Variants in SYT16 observed in about 807,000 individuals in gnomAD.
The protein encoded by SYT16 is synaptotagmin 16.
A neutral mutation model predicts 61.4 loss-of-function variants in SYT16; 42 were observed. The ratio of observed to expected loss-of-function variants is 0.68; its 90% confidence interval spans 0.53 to 0.89. The LOEUF is 0.89. SYT16 is among the 40% of genes least tolerant of loss of function. The probability of loss-of-function intolerance (pLI) is 0.00; values close to 1 mark genes in which losing one functional copy is unlikely to be tolerated. For missense variants in SYT16, 804 were observed against 807.3 expected, an observed-to-expected ratio of 1.00 and a Z score of 0.05; for synonymous variants, 314 against 302.3, an observed-to-expected ratio of 1.04 and a Z score of -0.40.
rs190148793 is a variant in SYT16 at position 61,897,053 on chromosome 14, A to G, written c.-324-73079A>G. On this transcript the variant is annotated intron_variant, in intron 1 of 7. Coordinates refer to ENST00000683842, the MANE Select transcript of SYT16 (RefSeq NM_001367656.1). ...AGTTCTTACAGTTTCAAGTGGTGGGAAAAAAAAGAATATTTCATGTGAACA... is the reference window on the plus strand; with the variant it reads ...AGTTCTTACAGTTTCAAGTGGTGGGGAAAAAAAGAATATTTCATGTGAACA... Among the ~76,000 whole-genome samples, 193 of 152,126 alleles carry G rather than the reference A, an allele frequency of 1.3e-3. 1 individual carries two copies. In the Middle Eastern group the frequency reaches 0.024, roughly 19 times the overall value.
At chr14:62,002,372 C>T (rs2053053152) in intron 3 of SYT16, among the ~76,000 whole-genome samples, 1 of 152,106 alleles carries the variant, frequency 6.6e-6, no homozygotes, top group African/African-American at 2.4e-5. Flanking sequence ...ACAGTTTTGT[C>T]AATATTGGCT....
chr14:61,968,723 G>A (rs2051419483), intron 1 of SYT16, among the ~76,000 whole-genome samples: 1 of 152,174 alleles, frequency 6.6e-6, no homozygotes, highest in African/African-American at 2.4e-5. Flanking sequence ...AGCACAAAGA[G>A]GTTAAATAAT....
chr14:62,103,721 G>A lies in SYT16; in HGVS notation c.*3014G>A, dbSNP rs916465420. Reference sequence around the variant, plus strand: ...GATGCTGCATAACTGTTGGAGGTGGGGGTGTCTTGCCTTCCCTAACATAAG... The same window carrying A: ...GATGCTGCATAACTGTTGGAGGTGGAGGTGTCTTGCCTTCCCTAACATAAG... On this transcript the variant is annotated 3_prime_UTR_variant, in exon 8 of 8. Coordinates refer to ENST00000683842, the MANE Select transcript of SYT16 (RefSeq NM_001367656.1). The A allele has an allele frequency of 6.6e-6, 1 of 152,120 alleles. No individual in the cohort carries two copies. The highest frequency in any genetic ancestry group is 1.5e-5 in the Non-Finnish European group (1 of 68,030). 9.4% of individuals were successfully genotyped at this position (152,120 alleles called of 1,614,324 possible).
intron 1 of SYT16, among the ~76,000 whole-genome samples, chr14:61,869,408 A>G (rs2047259252): frequency 6.6e-6 from 1 of 152,004 alleles, no homozygotes; most frequent in Non-Finnish European, 1.5e-5. Flanking sequence ...TTGGCTTATT[A>G]GCTCTATCTT....
At chr14:61,948,583 T>G (rs1237671658) in intron 1 of SYT16, among the ~76,000 whole-genome samples, 1 of 151,928 alleles carries the variant, frequency 6.6e-6, no homozygotes, top group Non-Finnish European at 1.5e-5. Context: ...GGAGAGCGAG[T>G]GAAGTCCCAG....
At chr14:62,002,985 C>A (rs1045205298) in intron 3 of SYT16, among the ~76,000 whole-genome samples, 4 of 152,018 alleles carry the variant, frequency 2.6e-5, no homozygotes, top group African/African-American at 7.2e-5. Flanking sequence ...CTCATGAGAA[C>A]TTACACATTA....
chr14:61,819,286 C>G lies in SYT16; in HGVS notation c.-325+6476C>G, dbSNP rs61994394. Among the ~76,000 whole-genome samples the G allele has an allele frequency of 7.3e-3, 1,104 of 152,214 alleles. 11 individuals are homozygous for G. The highest frequency in any genetic ancestry group is 1.0e-2 in the Non-Finnish European group (679 of 68,010). ...TTTAGCATTATGAATGATAAGATGG[C>G]TATTATGCCATTTAACAATTGTCTG... On this transcript the variant is annotated intron_variant, in intron 1 of 7. Coordinates refer to ENST00000683842, the MANE Select transcript of SYT16 (RefSeq NM_001367656.1).
intron 3 of SYT16, among the ~76,000 whole-genome samples, chr14:62,054,066 G>A (rs968321351): frequency 4.6e-5 from 7 of 152,154 alleles, no homozygotes; most frequent in Non-Finnish European, 7.3e-5. Context: ...CTATTTCCAA[G>A]TTTCTTTGCT....
In SYT16 at chr14:61,937,108, A is replaced by ATT. The variant is rs1457142338; in HGVS notation, c.-324-33022_-324-33021dup. Among the ~76,000 whole-genome samples, 3 of 152,316 alleles carry ATT rather than the reference A, an allele frequency of 2.0e-5. No individual in the cohort carries two copies. In the East Asian group the frequency reaches 5.8e-4, roughly 29 times the overall value. On this transcript the variant is annotated intron_variant, in intron 1 of 7. Coordinates refer to ENST00000683842, the MANE Select transcript of SYT16 (RefSeq NM_001367656.1). ...GGAAGCTGGGCTGGCTGGAGCAGGG[A>ATT]TTTCCCCGTGGATGGTGATGTCTCT...
At chr14:62,022,617 T>C (rs2053953926) in intron 3 of SYT16, among the ~76,000 whole-genome samples, 1 of 149,744 alleles carries the variant, frequency 6.7e-6, no homozygotes, top group Admixed American at 6.7e-5. Flanking sequence ...TAATTTGTAT[T>C]ACACACACAC....
chr14:62,063,077 G>C (rs1482220394), intron 3 of SYT16, among the ~76,000 whole-genome samples: 1 of 152,136 alleles, frequency 6.6e-6, no homozygotes. Context: ...CCACTTCCAG[G>C]CAGTGTTGTT....
rs866100512 is a variant in SYT16 at position 62,102,458 on chromosome 14, A to G, written c.*1751A>G. 11 of 152,292 alleles carry G rather than the reference A, an allele frequency of 7.2e-5. No individual in the cohort carries two copies. Among genetic ancestry groups the G allele is most frequent in the South Asian group, 6.2e-4 (3 of 4,826 alleles). The allele number at this position is 152,292 out of a possible 1,614,324, so 9.4% of individuals were successfully genotyped here. A position where few individuals can be genotyped will look rare whatever the true frequency, so the allele number is the denominator to read the frequency against. ...GTTATTAGGAATATGTAATAAAACC[A>G]TGTTCCTCTGGGTTTTTACCCTACC... is the stretch of plus-strand genomic sequence containing the variant. On this transcript the variant is annotated 3_prime_UTR_variant, in exon 8 of 8. Coordinates refer to ENST00000683842, the MANE Select transcript of SYT16 (RefSeq NM_001367656.1).
chr14:61,859,409 A>G (rs894036575), intron 1 of SYT16, among the ~76,000 whole-genome samples: 2 of 152,002 alleles, frequency 1.3e-5, no homozygotes, highest in Admixed American at 6.5e-5. Flanking sequence ...TAAACTTCAC[A>G]TTTGATTAAA....
At chr14:61,817,452 C>T (rs948126249) in intron 1 of SYT16, among the ~76,000 whole-genome samples, 2 of 150,598 alleles carry the variant, frequency 1.3e-5, no homozygotes, top group African/African-American at 4.9e-5. Context: ...ATGGGACAAA[C>T]TGATATCCTG....
chr14:61,992,404 A>G (rs1287055550), intron 2 of SYT16, among the ~76,000 whole-genome samples: 1 of 152,100 alleles, frequency 6.6e-6, no homozygotes, highest in African/African-American at 2.4e-5. Flanking sequence ...GACAGCTCAG[A>G]CAGCTAGGTA....
chr14:62,067,346 G>C (rs1892047), intron 3 of SYT16, among the ~76,000 whole-genome samples: 16,294 of 152,088 alleles, frequency 0.11, 2,067 homozygotes, highest in African/African-American at 0.3. Context: ...CTACTTAAGG[G>C]AGGGTGTTCA....
chr14:62,011,347 C>G (rs1215660432), intron 3 of SYT16, among the ~76,000 whole-genome samples: 2 of 152,000 alleles, frequency 1.3e-5, no homozygotes, highest in Non-Finnish European at 1.5e-5. Flanking sequence ...CCAGAACCTC[C>G]AGGTTTATAT....
chr14:61,885,096 TATC>T (rs755625331), intron 1 of SYT16, among the ~76,000 whole-genome samples: 14 of 152,224 alleles, frequency 9.2e-5, no homozygotes, highest in Admixed American at 2.6e-4. Context: ...CTTCAGAAAG[TATC>T]ATCACAATTT....
At chr14:61,813,559 A>C (rs76135371) in intron 1 of SYT16, among the ~76,000 whole-genome samples, 2,475 of 152,328 alleles carry the variant, frequency 0.016, 82 homozygotes, top group African/African-American at 0.057. Flanking sequence ...CGTACCTAGC[A>C]TCCAAAGTCC....
Sources: gnomAD v4.1 joint callset for allele counts (sites outside exome capture counted in the v4.1 genomes callset) on GRCh38, gnomAD v4.1.1 for gene constraint, MANE v1.5 for transcripts, NCBI Gene and HGNC (gene_info 2026-07-23, HGNC 2026-07-21) for gene names.